Variants in TRPA1 observed in about 807,000 individuals in gnomAD.
TRPA1 encodes the protein transient receptor potential cation channel subfamily A member 1.
A neutral mutation model predicts 131.3 loss-of-function variants in TRPA1; 129 were observed. The ratio of observed to expected loss-of-function variants is 0.98; its 90% confidence interval spans 0.85 to 1.14. The LOEUF is 1.14. Among genes scored for constraint, TRPA1 ranks in the 50% most tolerant of loss-of-function variants. The pLI is 0.00. For synonymous variants in TRPA1, 441 were observed against 451.7 expected, an observed-to-expected ratio of 0.98 and a Z score of 0.30; for missense variants, 1,304 against 1,354.2, an observed-to-expected ratio of 0.96 and a Z score of 0.58.
Position 72,029,744 on chromosome 8 carries a change from C to T in TRPA1, c.2937+157G>A. 3.8e-6 allele frequency: 3 copies of T among 782,870 alleles called. 1 individual carries two copies. The South Asian group carries it at 4.8e-5, about 12-fold the overall frequency. The allele number at this position is 782,870 out of a possible 1,614,324, so 48.5% of individuals were successfully genotyped here. A position where few individuals can be genotyped will look rare whatever the true frequency, so the allele number is the denominator to read the frequency against. On this transcript the variant is annotated intron_variant, in intron 24 of 26. Coordinates refer to ENST00000262209, the MANE Select transcript of TRPA1 (RefSeq NM_007332.3). ...AACAGAACCCAGTCAGCCACATGAT[C>T]AGGAGGGTAAATGGCACATACTTTA...
chr8:72,062,927 T>A lies in TRPA1; in HGVS notation c.679A>T (p.Ser227Cys). 1 of 1,613,958 alleles carries A rather than the reference T, an allele frequency of 6.2e-7. No homozygotes were observed. Among genetic ancestry groups the A allele is most frequent in the South Asian group, 1.1e-5 (1 of 91,068 alleles). Residue 227 changes from serine (S) to cysteine (C), a missense_variant, in exon 6 of 27, where the codon AGT becomes TGT. Ser to Cys is a moderately radical substitution (Grantham distance 112, BLOSUM62 -1). Transcript: ENST00000262209. ...ATAAAGTTAATGTGCAACTGTCTACTGTACCCATGCTCTTCACCTTGAGAA... is the reference window on the plus strand; with the variant it reads ...ATAAAGTTAATGTGCAACTGTCTACAGTACCCATGCTCTTCACCTTGAGAA... ...ILRFGEEHGY[S>C]RQLHINFMNN... is the part of the protein sequence containing the mutation.
chr8:72,057,642 T>G (rs7825042), intron 9 of TRPA1, 75 bp downstream of exon 9: 146,291 of 1,113,390 alleles, frequency 0.13, 11,540 homozygotes, highest in East Asian at 0.31. Flanking sequence ...TGAATGTTCA[T>G]TTGGCACACA....
chr8:72,038,628 C>A (rs1373264259), intron 19 of TRPA1: 3 of 443,836 alleles, frequency 6.8e-6, no homozygotes, highest in Non-Finnish European at 1.2e-5. Context: ...TTTAAGCTAG[C>A]ATCTAACACA....
At position 72,025,956 on chromosome 8, in the gene TRPA1, T is replaced by C; in HGVS notation, c.3051+4A>G. On this transcript the variant is annotated splice_donor_region_variant and intron_variant, in intron 25 of 26. Transcript: ENST00000262209. Reference sequence around the variant, plus strand: ...TGATGTTGTTATTTGTTATGTGTACTTACGAATAACATCCCACCAGATCTG... The same window carrying C: ...TGATGTTGTTATTTGTTATGTGTACCTACGAATAACATCCCACCAGATCTG... 6.2e-7 allele frequency: 1 copy of C among 1,610,090 alleles called. No individual in the cohort carries two copies. The highest frequency in any genetic ancestry group is 8.5e-7 in the Non-Finnish European group (1 of 1,176,530).
intron 17 of TRPA1, among the ~76,000 whole-genome samples, chr8:72,044,364 T>C (rs61667326): frequency 0.015 from 2,233 of 152,064 alleles, 73 homozygotes; most frequent in African/African-American, 0.05. Context: ...AGAATGTTAC[T>C]ATTAATATTT....
chr8:72,040,001 T>G (rs1298098825), intron 17 of TRPA1, among the ~76,000 whole-genome samples: 1 of 152,134 alleles, frequency 6.6e-6, no homozygotes, highest in East Asian at 1.9e-4. Context: ...TAAAATTGTT[T>G]GATTCAGTCT....
intron 17 of TRPA1, among the ~76,000 whole-genome samples, chr8:72,045,715 A>G (rs1388425688): frequency 1.3e-5 from 2 of 151,750 alleles, no homozygotes; most frequent in Admixed American, 1.3e-4. Context: ...GCTAGTAGCC[A>G]CTGTCCTTTT....
At chr8:72,070,800 C>T (rs1018883603) in intron 2 of TRPA1, among the ~76,000 whole-genome samples, 17 of 152,200 alleles carry the variant, frequency 1.1e-4, no homozygotes, top group African/African-American at 2.7e-4. Context: ...TGTGCAATCA[C>T]GCTCCTGTAG....
chr8:72,057,098 A>C (rs1237673251), intron 9 of TRPA1, 81 bp from the exon 10 acceptor site: 6 of 1,130,338 alleles, frequency 5.3e-6, no homozygotes, highest in Middle Eastern at 2.0e-4. Context: ...CTTAGCAAAA[A>C]AAAATTTGAC....
intron 23 of TRPA1, among the ~76,000 whole-genome samples, chr8:72,032,899 T>C (rs1434314648): frequency 2.0e-5 from 3 of 152,198 alleles, no homozygotes; most frequent in Non-Finnish European, 4.4e-5. Context: ...AATATGTGCA[T>C]GCGTGCATAA....
At chr8:72,029,587 T>C (rs1242821367) in intron 24 of TRPA1, 1 of 450,722 alleles carries the variant, frequency 2.2e-6, no homozygotes, top group Admixed American at 3.5e-5. Flanking sequence ...GTTTGACTCA[T>C]GATTTTTGAC....
the TRPA1 span, among the ~76,000 whole-genome samples, chr8:72,084,153 C>T: frequency 7.2e-5 from 11 of 152,142 alleles, no homozygotes; most frequent in Non-Finnish European, 1.6e-4. Context: ...TTTGGAAGCA[C>T]TCACCTATGA....
intron 13 of TRPA1, chr8:72,053,449 C>T (rs145950087): frequency 4.3e-5 from 18 of 415,130 alleles, no homozygotes; most frequent in South Asian, 1.6e-4. Flanking sequence ...GAAAACTCAC[C>T]CCTGCCTTCA....
At chr8:72,088,366 C>CTTTTTTT in the TRPA1 span, among the ~76,000 whole-genome samples, 23 of 81,208 alleles carry the variant, frequency 2.8e-4, no homozygotes, top group Non-Finnish European at 3.8e-4. Context: ...TCTTTGAAAA[C>CTTTTTTT]TTTTTTTTTT....
intron 2 of TRPA1, among the ~76,000 whole-genome samples, chr8:72,069,884 T>A (rs929391827): frequency 1.3e-5 from 2 of 152,100 alleles, no homozygotes; most frequent in African/African-American, 2.4e-5. Flanking sequence ...TCTTTAAAGA[T>A]CACAGCAGAG....
rs199580992 is a variant in TRPA1, at chr8:72,061,657, T to C, written c.912A>G (p.Thr304=). The change falls in exon 7 of 27, where the codon ACA becomes ACG. Residue 304 remains threonine, a synonymous_variant. Coordinates refer to ENST00000262209, the MANE Select transcript of TRPA1 (RefSeq NM_007332.3). ...SYSGSVDIVN[T]TDGCHETMLH... is the part of the protein sequence containing the mutation. ...GCATGGTCTCATGACATCCATCGGT[T>C]GTGTTAACAATATCCACGCTACCAG... The C allele has an allele frequency of 1.7e-5, 27 of 1,614,088 alleles. No individual in the cohort carries two copies. The Admixed American group carries it at 4.5e-4, about 27-fold the overall frequency.
At chr8:72,040,011 T>G (rs541612666) in intron 17 of TRPA1, among the ~76,000 whole-genome samples, 2 of 152,268 alleles carry the variant, frequency 1.3e-5, no homozygotes, top group Admixed American at 1.3e-4. Context: ...TGATTCAGTC[T>G]GTTTCTTTAG....
chr8:72,053,925 G>T, intron 12 of TRPA1, 58 bp from the exon 13 acceptor site: 1 of 1,300,942 alleles, frequency 7.7e-7, no homozygotes, highest in Non-Finnish European at 1.1e-6. Context: ...ATGCGGGATG[G>T]GATGCCACTT....
intron 25 of TRPA1, among the ~76,000 whole-genome samples, chr8:72,024,467 C>T (rs1190107210): frequency 6.6e-6 from 1 of 152,068 alleles, no homozygotes; most frequent in Non-Finnish European, 1.5e-5. Flanking sequence ...GTGACTTGCA[C>T]AGGCCATCCA....
Sources: gnomAD v4.1 joint callset for allele counts (sites outside exome capture counted in the v4.1 genomes callset) on GRCh38, gnomAD v4.1.1 for gene constraint, MANE v1.5 for transcripts, NCBI Gene and HGNC (gene_info 2026-07-23, HGNC 2026-07-21) for gene names.